The following AOPEP variants were observed in gnomAD, a reference collection of about 807,000 sequenced individuals.
AOPEP encodes the protein aminopeptidase O.
In AOPEP, 77 loss-of-function variants were observed where a neutral mutation model predicts 98.1. The observed-to-expected ratio is 0.78, with a 90% CI of 0.65 to 0.95. AOPEP has a LOEUF of 0.95. AOPEP is among the 40% of genes least tolerant of loss of function. The pLI, the probability that AOPEP is intolerant of heterozygous loss-of-function variation, is 0.00. For synonymous variants in AOPEP, 346 were observed against 365.3 expected, an observed-to-expected ratio of 0.95 and a Z score of 0.60; for missense variants, 1,024 against 1,024.7, an observed-to-expected ratio of 1.00 and a Z score of 0.01.
intron 13 of AOPEP, among the ~76,000 whole-genome samples, chr9:95,054,202 T>C (rs2066630878): frequency 6.6e-6 from 1 of 152,204 alleles, no homozygotes; most frequent in Non-Finnish European, 1.5e-5. Flanking sequence ...TTAGTTTCTT[T>C]TTCATGAGTG....
At chr9:95,110,344 A>AAGAC in the AOPEP span, 1 of 1,018,868 alleles carries the variant, frequency 9.8e-7, no homozygotes, top group East Asian at 6.6e-5. Flanking sequence ...AGAATCAAAT[A>AAGAC]AGACAGAATA....
rs200579150 is a variant in AOPEP, at chr9:95,041,446, G to GTGTGTGTGTGTGTGTGTGT, written c.2116-19248_2116-19247insTGTGTGTGTGTGTGTGTGT. On this transcript the variant is annotated intron_variant, in intron 13 of 16. Transcript: ENST00000375315. ...ATACTGTGTACTCAGAGTCCTTGGG[G>GTGTGTGTGTGTGTGTGTGT]GTGTGTGTGTGTGTGTGTGTGTGTG... 1.8e-3 allele frequency among the ~76,000 whole-genome samples: 262 copies of GTGTGTGTGTGTGTGTGTGT among 142,100 alleles called. 2 individuals are homozygous for GTGTGTGTGTGTGTGTGTGT. Among genetic ancestry groups the GTGTGTGTGTGTGTGTGTGT allele is most frequent in the Middle Eastern group, 6.9e-3 (2 of 290 alleles). 93.2% of individuals were successfully genotyped at this position (142,100 alleles called of 152,430 possible). A position where few individuals can be genotyped will look rare whatever the true frequency, so the allele number is the denominator to read the frequency against.
intron 5 of AOPEP, among the ~76,000 whole-genome samples, chr9:94,804,284 C>A (rs1848783118): frequency 6.6e-6 from 1 of 152,200 alleles, no homozygotes; most frequent in African/African-American, 2.4e-5. Flanking sequence ...CTTTGCTTTG[C>A]ATTTGTCTCT....
intron 5 of AOPEP, among the ~76,000 whole-genome samples, chr9:94,876,909 T>G (rs1237046182): frequency 6.6e-6 from 1 of 152,216 alleles, no homozygotes; most frequent in African/African-American, 2.4e-5. Flanking sequence ...TCTACCCATC[T>G]GAACCCCTGG....
chr9:95,091,869 G>A (rs1056202700), downstream of AOPEP, among the ~76,000 whole-genome samples: 1 of 152,158 alleles, frequency 6.6e-6, no homozygotes, highest in African/African-American at 2.4e-5. Flanking sequence ...GTGCATGTGC[G>A]CACCCCACCC....
intron 1 of AOPEP, among the ~76,000 whole-genome samples, chr9:94,753,983 C>A (rs1836426604): frequency 6.6e-6 from 1 of 152,122 alleles, no homozygotes; most frequent in African/African-American, 2.4e-5. Flanking sequence ...AAATAACTAT[C>A]AGTAGGGGAA....
chr9:94,930,284 C>T lies in AOPEP; in HGVS notation c.1661+1753C>T, dbSNP rs1704315386. On this transcript the variant is annotated intron_variant, in intron 7 of 16. Coordinates refer to ENST00000375315, the MANE Select transcript of AOPEP (RefSeq NM_001193329.3). The surrounding 1 kb of genome is among the most constrained non-coding windows in gnomAD (Gnocchi z 4.5). ...GTGGAGAAGAGGAAAATGAGTGTAT[C>T]CAGAATGACTTTGAGGTTTTTGAGT... Among the ~76,000 whole-genome samples, 1 of 152,064 alleles carries T rather than the reference C, an allele frequency of 6.6e-6. No individual in the cohort carries two copies.
chr9:94,929,115 T>A (rs531395769), intron 7 of AOPEP, among the ~76,000 whole-genome samples: 2 of 152,286 alleles, frequency 1.3e-5, no homozygotes, highest in East Asian at 3.9e-4. Context: ...CTCCTTTTCT[T>A]TGTGAAATGT....
intron 13 of AOPEP, among the ~76,000 whole-genome samples, chr9:95,032,785 C>T (rs2133391676): frequency 6.6e-6 from 1 of 152,228 alleles, no homozygotes; most frequent in South Asian, 2.1e-4. Flanking sequence ...GGAGTTGTTC[C>T]CACCTCTGTG....
chr9:94,737,558 A>G (rs1832057907), intron 1 of AOPEP, among the ~76,000 whole-genome samples: 1 of 152,240 alleles, frequency 6.6e-6, no homozygotes, highest in Non-Finnish European at 1.5e-5. Context: ...TTAATGCATT[A>G]TTTTAGCCTT....
chr9:94,933,132 T>C (rs2137143425), intron 7 of AOPEP: 3 of 985,892 alleles, frequency 3.0e-6, no homozygotes, highest in Non-Finnish European at 3.6e-6. Context: ...GTCCTGCCAC[T>C]GTTCAGCTCT....
chr9:94,897,315 A>G (rs2049718294), intron 5 of AOPEP, among the ~76,000 whole-genome samples: 1 of 152,174 alleles, frequency 6.6e-6, no homozygotes, highest in South Asian at 2.1e-4. Context: ...GAGCATTTCA[A>G]ATCAATGAAG....
chr9:94,874,588 T>C (rs78831434), intron 5 of AOPEP, among the ~76,000 whole-genome samples: 8,226 of 152,268 alleles, frequency 0.054, 766 homozygotes, highest in African/African-American at 0.19. Context: ...AAAAGAATTA[T>C]TGTTTTGATT....
chr9:94,744,790 A>G (rs1307227294), intron 1 of AOPEP, among the ~76,000 whole-genome samples: 3 of 152,118 alleles, frequency 2.0e-5, no homozygotes, highest in Admixed American at 2.0e-4. Context: ...TAATTTTGGA[A>G]AACACTCAGC....
At chr9:95,116,627 A>G in the AOPEP span, among the ~76,000 whole-genome samples, 12 of 152,270 alleles carry the variant, frequency 7.9e-5, no homozygotes, top group South Asian at 2.5e-3. Context: ...CCATGTCAGG[A>G]CTGCCTTCCA....
intron 5 of AOPEP, among the ~76,000 whole-genome samples, chr9:94,853,442 AGAGT>A (rs2043801394): frequency 6.6e-6 from 1 of 152,150 alleles, no homozygotes; most frequent in Non-Finnish European, 1.5e-5. Context: ...CGTGGGCAAC[AGAGT>A]GAGACTCCAT....
At chr9:94,877,455 C>T (rs180925808) in intron 5 of AOPEP, among the ~76,000 whole-genome samples, 1,351 of 134,926 alleles carry the variant, frequency 0.01, 10 homozygotes, top group Non-Finnish European at 0.016. Context: ...GACAGTTTTG[C>T]TGTGTCGCCC....
intron 2 of AOPEP, among the ~76,000 whole-genome samples, chr9:94,765,439 AAATAATAAT>A (rs370305424): frequency 4.4e-4 from 55 of 123,824 alleles, no homozygotes; most frequent in East Asian, 1.5e-3. Flanking sequence ...TTCTCTACAA[AAATAATAAT>A]AATAATAATA....
chr9:94,842,155 A>T (rs2042343324), intron 5 of AOPEP, among the ~76,000 whole-genome samples: 1 of 152,146 alleles, frequency 6.6e-6, no homozygotes, highest in South Asian at 2.1e-4. Flanking sequence ...TGAGGTCAGG[A>T]GTTCGAGACC....
Sources: allele counts gnomAD v4.1 joint callset (sites outside exome capture counted in the v4.1 genomes callset), GRCh38; gene constraint gnomAD v4.1.1; non-coding constraint Gnocchi (gnomAD v3.1); transcripts MANE v1.5; gene names NCBI Gene and HGNC (gene_info 2026-07-23, HGNC 2026-07-21).